TENT5C: variants seen among roughly 807,000 people sequenced by gnomAD.
The protein encoded by TENT5C is family with sequence similarity 46 member C.
A neutral mutation model predicts 22.2 loss-of-function variants in TENT5C; 5 were observed. The ratio of observed to expected loss-of-function variants is 0.22; its 90% CI spans 0.12 to 0.47. The LOEUF (loss-of-function observed/expected upper bound fraction) is 0.47, where lower values mean the gene tolerates loss of function less well. Ranked by LOEUF, TENT5C falls within the 20% of genes least tolerant of loss-of-function variation. The probability of loss-of-function intolerance (pLI) is 0.99; values close to 1 mark genes in which losing one functional copy is unlikely to be tolerated. For missense variants in TENT5C, 364 were observed against 500.9 expected (o/e 0.73, Z 2.61); for synonymous variants, 199 against 195.4 (o/e 1.02, Z -0.15).
chr1:117,618,502 G>A (rs1653832342), intron 1 of TENT5C, among the ~76,000 whole-genome samples: 1 of 151,794 alleles, frequency 6.6e-6, no homozygotes, highest in Non-Finnish European at 1.5e-5. Flanking sequence ...CCCCTTATCT[G>A]TAGAGATCAG....
rs182206883 is a variant in TENT5C at position 117,612,574 on chromosome 1, C to T, written c.-28+6421C>T. ...GACAGCACATTAATTACTTGATGAA[C>T]GCTAAACATGAGCTGCTGCTATGCG... is the stretch of plus-strand genomic sequence containing the variant. On this transcript the variant is annotated intron_variant, in intron 1 of 1. Transcript: ENST00000369448. Among the ~76,000 whole-genome samples, 37 of 152,282 alleles carry T rather than the reference C, an allele frequency of 2.4e-4. No individual in the cohort carries two copies. In the East Asian group the frequency reaches 3.5e-3, roughly 14 times the overall value.
intron 1 of TENT5C, among the ~76,000 whole-genome samples, chr1:117,622,136 C>G (rs1453009569): frequency 6.6e-6 from 1 of 152,150 alleles, no homozygotes; most frequent in African/African-American, 2.4e-5. Flanking sequence ...AAAAACCACT[C>G]CTTGGTTCTA....
chr1:117,623,100 C>T lies in TENT5C; in HGVS notation c.232C>T (p.His78Tyr). ...DVRLNGSAAG[H>Y]VLVKDNGLGC... is the part of the protein sequence containing the mutation. ...CCGGCTGAATGGCTCCGCAGCTGGCCACGTTTTGGTCAAAGACAATGGCTT... is the reference window on the plus strand; with the variant it reads ...CCGGCTGAATGGCTCCGCAGCTGGCTACGTTTTGGTCAAAGACAATGGCTT... Residue 78 changes from histidine (H) to tyrosine (Y), a missense_variant, in exon 2 of 2, where the codon CAC becomes TAC. By Grantham distance (83) the His-to-Tyr change is moderately conservative (BLOSUM62 2). Transcript: ENST00000369448. 1 of 1,614,224 alleles carries T rather than the reference C, an allele frequency of 6.2e-7. No individual in the cohort carries two copies. The highest frequency in any genetic ancestry group is 8.5e-7 in the Non-Finnish European group (1 of 1,180,054).
At chr1:117,617,104 G>A (rs1444543518) in intron 1 of TENT5C, among the ~76,000 whole-genome samples, 1 of 152,084 alleles carries the variant, frequency 6.6e-6, no homozygotes, top group African/African-American at 2.4e-5. Context: ...TGCCTCTCCC[G>A]CTCGCCCACC....
Position 117,613,505 on chromosome 1 carries a change from G to T in TENT5C, c.-28+7352G>T, listed in dbSNP as rs570421298. Reference sequence around the variant, plus strand: ...AAAGAGCTTTCTGTTTGGAGTTGTCGTTGGTGGGTGTCTATGGATGGAGCC... The same window carrying T: ...AAAGAGCTTTCTGTTTGGAGTTGTCTTTGGTGGGTGTCTATGGATGGAGCC... On this transcript the variant is annotated intron_variant, in intron 1 of 1. Coordinates refer to ENST00000369448, the MANE Select transcript of TENT5C (RefSeq NM_017709.4). Among the ~76,000 whole-genome samples the T allele has an allele frequency of 6.8e-4, 104 of 152,296 alleles. 1 individual carries two copies. The highest frequency in any genetic ancestry group is 1.0e-3 in the South Asian group (5 of 4,826).
At chr1:117,615,190 T>A (rs991189580) in intron 1 of TENT5C, among the ~76,000 whole-genome samples, 18 of 152,344 alleles carry the variant, frequency 1.2e-4, no homozygotes, top group African/African-American at 3.8e-4. Flanking sequence ...TCTTATTTTT[T>A]AAAAATCTTT....
intron 1 of TENT5C, among the ~76,000 whole-genome samples, chr1:117,619,020 C>T (rs769647922): frequency 3.2e-4 from 49 of 152,310 alleles, no homozygotes; most frequent in Non-Finnish European, 5.4e-4. Flanking sequence ...TCTGTAGGAA[C>T]AACTGCATGC....
chr1:117,612,367 T>C (rs1473389148), intron 1 of TENT5C, among the ~76,000 whole-genome samples: 1 of 150,586 alleles, frequency 6.6e-6, no homozygotes, highest in Non-Finnish European at 1.5e-5. Context: ...TTTTTTATAG[T>C]TTCTTAGAGA....
intron 1 of TENT5C, among the ~76,000 whole-genome samples, chr1:117,621,270 C>T (rs748449332): frequency 8.5e-5 from 13 of 152,178 alleles, no homozygotes; most frequent in Non-Finnish European, 1.8e-4. Context: ...TTCTGCCTCT[C>T]GGCCCCAACC....
At chr1:117,618,583 T>G (rs1653834425) in intron 1 of TENT5C, among the ~76,000 whole-genome samples, 2 of 151,440 alleles carry the variant, frequency 1.3e-5, no homozygotes, top group African/African-American at 4.9e-5. Flanking sequence ...ATGCAGAATG[T>G]GGAATGTAGA....
At chr1:117,620,393 A>C (rs1416286048) in intron 1 of TENT5C, among the ~76,000 whole-genome samples, 1 of 152,230 alleles carries the variant, frequency 6.6e-6, no homozygotes, top group Non-Finnish European at 1.5e-5. Flanking sequence ...TGTGTCATAA[A>C]GATGAGCTTT....
rs929532976 is a variant in TENT5C at position 117,624,485 on chromosome 1, T to C, written c.*441T>C. On this transcript the variant is annotated 3_prime_UTR_variant, in exon 2 of 2. Coordinates refer to ENST00000369448, the MANE Select transcript of TENT5C (RefSeq NM_017709.4). Reference sequence around the variant, plus strand: ...CTCAGCAGTTACATGAAAGTTGTGCTGATAATCTCTTCTCTTGTACCAATT... The same window carrying C: ...CTCAGCAGTTACATGAAAGTTGTGCCGATAATCTCTTCTCTTGTACCAATT... The C allele has an allele frequency of 1.7e-4, 44 of 254,400 alleles. No homozygotes were observed. Among genetic ancestry groups the C allele is most frequent in the Non-Finnish European group, 3.3e-4 (41 of 122,550 alleles). 15.8% of individuals were successfully genotyped at this position (254,400 alleles called of 1,614,324 possible).
chr1:117,615,517 G>T (rs911075906), intron 1 of TENT5C, among the ~76,000 whole-genome samples: 1 of 152,134 alleles, frequency 6.6e-6, no homozygotes, highest in Non-Finnish European at 1.5e-5. Flanking sequence ...TATTTGTGAT[G>T]TTGTAAAAGA....
At position 117,613,138 on chromosome 1, in the gene TENT5C, A is replaced by G. The variant is rs183993371; in HGVS notation, c.-28+6985A>G. Among the ~76,000 whole-genome samples the G allele has an allele frequency of 1.7e-4, 26 of 152,340 alleles. No individual in the cohort carries two copies. In the East Asian group the frequency reaches 3.5e-3, roughly 20 times the overall value. ...TTCAGACCAGTAACACCTCTGATCT[A>G]GAAAGAAGCAGTTGATGGTGGGAAG... On this transcript the variant is annotated intron_variant, in intron 1 of 1. Transcript: ENST00000369448.
In TENT5C at chr1:117,624,975, C is replaced by G. The variant is rs1004722939; in HGVS notation, c.*931C>G. 21 of 247,962 alleles carry G rather than the reference C, an allele frequency of 8.5e-5. No homozygotes were observed. The highest frequency in any genetic ancestry group is 4.4e-4 in the African/African-American group (20 of 45,406). The allele number at this position is 247,962 out of a possible 1,614,324, so 15.4% of individuals were successfully genotyped here. ...CTAAGACTGAGGATTGTGCTGAGTC[C>G]AGAGTCATTGTGGTAACTGACATGA... On this transcript the variant is annotated 3_prime_UTR_variant, in exon 2 of 2. Transcript: ENST00000369448.
chr1:117,619,201 A>G (rs762970814), intron 1 of TENT5C, among the ~76,000 whole-genome samples: 2 of 152,230 alleles, frequency 1.3e-5, no homozygotes, highest in Non-Finnish European at 2.9e-5. Context: ...GTCAAAGAGT[A>G]TATCTCCTTA....
chr1:117,623,955 G>T lies in TENT5C; in HGVS notation c.1087G>T (p.Val363Phe), dbSNP rs773285739. 9 of 1,613,998 alleles carry T rather than the reference G, an allele frequency of 5.6e-6. No homozygotes were observed. The highest frequency in any genetic ancestry group is 7.6e-6 in the Non-Finnish European group (9 of 1,179,992). ...CTGTTACTACCAGCCGGCCCCTTAC[G>T]TCAGTGATGGCAACTTCAGCAACTA... Reference protein sequence around the residue: ...VTCYYQPAPYVSDGNFSNYYV... With the variant: ...VTCYYQPAPYFSDGNFSNYYV... Residue 363 changes from valine (V) to phenylalanine (F), a missense_variant, in exon 2 of 2, where the codon GTC (valine) becomes TTC (phenylalanine). Around this residue, in one of 3 missense-constraint regions of TENT5C, gnomAD observed 54 missense variants for 76.5 expected, o/e 0.71. Coordinates refer to ENST00000369448, the MANE Select transcript of TENT5C (RefSeq NM_017709.4).
At chr1:117,614,574 T>A (rs1424070012) in intron 1 of TENT5C, among the ~76,000 whole-genome samples, 1 of 152,152 alleles carries the variant, frequency 6.6e-6, no homozygotes, top group Non-Finnish European at 1.5e-5. Flanking sequence ...TTATCAGCCA[T>A]TTCTCTGTAG....
rs756570363 is a variant in TENT5C, at chr1:117,624,008, C to T, written c.1140C>T (p.Tyr380=). 9.9e-6 allele frequency: 16 copies of T among 1,613,882 alleles called. No homozygotes were observed. Among genetic ancestry groups the T allele is most frequent in the Non-Finnish European group, 1.4e-5 (16 of 1,179,912 alleles). Residue 380 remains tyrosine, a synonymous_variant, in exon 2 of 2, where the codon TAC becomes TAT. Coordinates refer to ENST00000369448, the MANE Select transcript of TENT5C (RefSeq NM_017709.4). ...ACGTTGCCCATCCTCCAGTCACCTACAGCCAGCCTTACCCTACCTGGCTGC... is the reference window on the plus strand; with the variant it reads ...ACGTTGCCCATCCTCCAGTCACCTATAGCCAGCCTTACCCTACCTGGCTGC... ...NYYVAHPPVT[Y]SQPYPTWLPC...
Sources: gnomAD v4.1 joint callset for allele counts (sites outside exome capture counted in the v4.1 genomes callset) on GRCh38, gnomAD v4.1.1 for gene constraint, gnomAD v4.1.1 regional missense constraint, MANE v1.5 for transcripts, NCBI Gene and HGNC (gene_info 2026-07-23, HGNC 2026-07-21) for gene names.